TRABD: variants seen among roughly 807,000 people sequenced by gnomAD.
TRABD encodes traB domain-containing protein.
Under a neutral mutation model 39.6 loss-of-function variants are expected in TRABD, and 23 were observed. The observed-to-expected ratio is 0.58, with a 90% CI of 0.42 to 0.82. TRABD has a LOEUF of 0.82. Ranked by LOEUF, TRABD falls within the 40% of genes least tolerant of loss-of-function variation. The probability of loss-of-function intolerance (pLI) is 0.00; values close to 1 mark genes in which losing one functional copy is unlikely to be tolerated. For missense variants in TRABD, 487 were observed against 544.9 expected (o/e 0.89, Z 1.06); for synonymous variants, 243 against 232.1 (o/e 1.05, Z -0.43).
chr22:50,189,822 G>A (rs1040709417), intron 1 of TRABD, among the ~76,000 whole-genome samples: 3 of 151,880 alleles, frequency 2.0e-5, no homozygotes, highest in Admixed American at 2.0e-4. Flanking sequence ...CCGGACCCCA[G>A]GTGATGCTCT....
chr22:50,190,707 G>A (rs2063878794), intron 1 of TRABD: 1 of 152,620 alleles, frequency 6.6e-6, no homozygotes, highest in African/African-American at 2.4e-5. Context: ...TCTGGCTTGT[G>A]TGTGTAGCTA....
At chr22:50,197,191 G>GCGGGGGGGGGGGGC in intron 5 of TRABD, 50 bp from the exon 6 acceptor site, 1 of 1,553,438 alleles carries the variant, frequency 6.4e-7, no homozygotes, top group African/African-American at 1.4e-5. Context: ...TTCCCCCAGC[G>GCGGGGGGGGGGGGC]CACCCCCGCA....
chr22:50,197,419 C>A (rs2272844), intron 6 of TRABD, 30 bp from the exon 7 acceptor site: 1 of 1,612,436 alleles, frequency 6.2e-7, no homozygotes, highest in Non-Finnish European at 8.5e-7. Context: ...GGGGTTCCCA[C>A]TGCTCCCCAA....
intron 1 of TRABD, among the ~76,000 whole-genome samples, chr22:50,188,350 C>A (rs1280839869): frequency 6.6e-6 from 1 of 152,216 alleles, no homozygotes; most frequent in Admixed American, 6.5e-5. Flanking sequence ...TCAGACAATT[C>A]TCCTACCTCA....
intron 1 of TRABD, among the ~76,000 whole-genome samples, chr22:50,188,624 C>G (rs928113149): frequency 1.3e-5 from 2 of 152,196 alleles, no homozygotes; most frequent in Admixed American, 1.3e-4. Context: ...CACTCATGAC[C>G]TCATCCGAAC....
chr22:50,188,668 C>A (rs1282757237), intron 1 of TRABD, among the ~76,000 whole-genome samples: 1 of 152,216 alleles, frequency 6.6e-6, no homozygotes, highest in Non-Finnish European at 1.5e-5. Context: ...CCTTCTAATA[C>A]CTTCATAGTG....
Position 50,198,226 on chromosome 22 carries a change from C to T in TRABD, c.956+40C>T, listed in dbSNP as rs1457749038. The T allele has an allele frequency of 6.4e-7, 1 of 1,568,024 alleles. No individual in the cohort carries two copies. Among genetic ancestry groups the T allele is most frequent in the African/African-American group, 1.4e-5 (1 of 73,702 alleles). On this transcript the variant is annotated intron_variant, in intron 9 of 9. Coordinates refer to ENST00000380909, the MANE Select transcript of TRABD (RefSeq NM_001320485.2). This position sits in a 1 kb window ranked among gnomAD's most constrained non-coding sequence, Gnocchi z 7.9. Reference sequence around the variant, plus strand: ...CTCCCTGCAAGCCCCACCCCACAAGCCCCCAGGTGGAGGCTGAGCGCCCTG... The same window carrying T: ...CTCCCTGCAAGCCCCACCCCACAAGTCCCCAGGTGGAGGCTGAGCGCCCTG...
rs78898041 is a variant in TRABD, at chr22:50,192,759, G to A, written c.-34-268G>A. On this transcript the variant is annotated intron_variant, in intron 1 of 9. Transcript: ENST00000380909. Reference sequence around the variant, plus strand: ...TCTGGCCCTGTTCTGAGTGAGGCCTGTGCACCAGCAACCCGCCCTGGGCCC... The same window carrying A: ...TCTGGCCCTGTTCTGAGTGAGGCCTATGCACCAGCAACCCGCCCTGGGCCC... Among the ~76,000 whole-genome samples, 6 of 11,000 alleles carry A rather than the reference G, an allele frequency of 5.5e-4. No individual in the cohort carries two copies. The African/African-American group carries it at 5.7e-3, about 10-fold the overall frequency. 7.2% of individuals were successfully genotyped at this position (11,000 alleles called of 152,430 possible). A position where few individuals can be genotyped will look rare whatever the true frequency, so the allele number is the denominator to read the frequency against.
chr22:50,188,300 G>T (rs1231741222), intron 1 of TRABD, among the ~76,000 whole-genome samples: 1 of 152,068 alleles, frequency 6.6e-6, no homozygotes, highest in Non-Finnish European at 1.5e-5. Flanking sequence ...AAAAAATGAG[G>T]TCTCGCTAAG....
intron 1 of TRABD, among the ~76,000 whole-genome samples, chr22:50,187,250 G>C (rs1479361923): frequency 6.6e-6 from 1 of 152,370 alleles, no homozygotes; most frequent in Admixed American, 6.5e-5. Flanking sequence ...GAGGTTGGGG[G>C]CTGCCAGGTG....
chr22:50,196,963 G>T lies in TRABD; in HGVS notation c.421-278G>T, dbSNP rs897493425. 9 of 421,680 alleles carry T rather than the reference G, an allele frequency of 2.1e-5. No homozygotes were observed. The Admixed American group carries it at 2.8e-4, about 13-fold the overall frequency. 26.1% of individuals were successfully genotyped at this position (421,680 alleles called of 1,614,324 possible). ...TCCGCCTGCCTCAGCCTCCCAAAGT[G>T]CTGGGATGACAGGCGTGCGCCACTG... On this transcript the variant is annotated intron_variant, in intron 5 of 9. Transcript: ENST00000380909.
chr22:50,193,137 G>A (rs1326637546), intron 2 of TRABD, 44 bp downstream of exon 2: 5 of 1,516,798 alleles, frequency 3.3e-6, no homozygotes, highest in Non-Finnish European at 4.4e-6. Context: ...AGGGGCGGGG[G>A]GCTTCCCCGC....
chr22:50,195,971 G>A (rs922742830), intron 5 of TRABD, among the ~76,000 whole-genome samples: 3 of 152,156 alleles, frequency 2.0e-5, no homozygotes, highest in Non-Finnish European at 4.4e-5. Flanking sequence ...GGCAGTCCCC[G>A]GTCCAGCCAG....
chr22:50,197,764 G>A, intron 7 of TRABD, 59 bp from the exon 8 acceptor site: 1 of 1,284,796 alleles, frequency 7.8e-7, no homozygotes, highest in Non-Finnish European at 1.1e-6. Context: ...CACAGTGCCA[G>A]CCCCACCCCC....
Position 50,194,383 on chromosome 22 carries a change from G to T in TRABD, c.156G>T (p.Lys52Asn). Residue 52 changes from lysine (K) to asparagine (N), a missense_variant, in exon 4 of 10, where the codon AAG (lysine) becomes AAT (asparagine). Around this residue, in one of 3 missense-constraint regions of TRABD, gnomAD observed 358 missense variants for 414.7 expected, o/e 0.86. Transcript: ENST00000380909. ...ACCTGCTCCTGGAGATGAAGCTGAA[G>T]CGGCGGCGTCAGCGGCCCAACCTGC... Reference protein sequence around the residue: ...AFNLLLEMKLKRRRQRPNLPR... With the variant: ...AFNLLLEMKLNRRRQRPNLPR... The T allele has an allele frequency of 3.7e-6, 6 of 1,612,842 alleles. No individual in the cohort carries two copies. Among genetic ancestry groups the T allele is most frequent in the Non-Finnish European group, 5.1e-6 (6 of 1,179,814 alleles).
intron 4 of TRABD, 143 bp downstream of exon 4, chr22:50,194,649 G>A: frequency 4.4e-6 from 6 of 1,368,386 alleles, no homozygotes; most frequent in Non-Finnish European, 5.9e-6. Flanking sequence ...CCCTGGGAGT[G>A]GCAAGGTGGG....
Position 50,198,484 on chromosome 22 carries a change from T to C in TRABD, c.1096T>C (p.Cys366Arg). ...CCTGTCGCTGCCCGCCGCGCAGTAC[T>C]GCCTGCAGAGGGTGACCGAGGCCCG... ...LVLSLPAAQY[C>R]LQRVTEARHK Residue 366 changes from cysteine (C) to arginine (R), a missense_variant, in exon 10 of 10, where the codon TGC becomes CGC. Physicochemically the swap from Cys to Arg is radical, Grantham distance 180. Around this residue, in one of 3 missense-constraint regions of TRABD, gnomAD observed 123 missense variants for 108.3 expected, o/e 1.14. Transcript: ENST00000380909. This position sits in a 1 kb window ranked among gnomAD's most constrained non-coding sequence, Gnocchi z 7.9. The C allele has an allele frequency of 3.1e-6, 5 of 1,589,662 alleles. No individual in the cohort carries two copies. Among genetic ancestry groups the C allele is most frequent in the Non-Finnish European group, 4.3e-6 (5 of 1,173,620 alleles).
At chr22:50,191,710 T>G (rs1255623816) in intron 1 of TRABD, 3 of 152,208 alleles carry the variant, frequency 2.0e-5, no homozygotes, top group Non-Finnish European at 4.4e-5. Flanking sequence ...CTTGCACGAC[T>G]AGACAGCTCA....
Position 50,199,331 on chromosome 22 carries a change from A to T in TRABD, c.*812A>T. Reference sequence around the variant, plus strand: ...CTCTGGGCAGACAATGTGTGCACCTATGTGGAAGGCCAAGGACATGGGCTG... The same window carrying T: ...CTCTGGGCAGACAATGTGTGCACCTTTGTGGAAGGCCAAGGACATGGGCTG... On this transcript the variant is annotated 3_prime_UTR_variant, in exon 10 of 10. Coordinates refer to ENST00000380909, the MANE Select transcript of TRABD (RefSeq NM_001320485.2). The T allele has an allele frequency of 3.7e-6, 2 of 537,152 alleles. No homozygotes were observed. Among genetic ancestry groups the T allele is most frequent in the Non-Finnish European group, 6.7e-6 (2 of 298,032 alleles). 33.3% of individuals were successfully genotyped at this position (537,152 alleles called of 1,614,324 possible). A position where few individuals can be genotyped will look rare whatever the true frequency, so the allele number is the denominator to read the frequency against.
Sources: allele counts gnomAD v4.1 joint callset (sites outside exome capture counted in the v4.1 genomes callset), GRCh38; gene constraint gnomAD v4.1.1; regional missense constraint gnomAD v4.1.1; non-coding constraint Gnocchi (gnomAD v3.1); transcripts MANE v1.5; gene names NCBI Gene and HGNC (gene_info 2026-07-23, HGNC 2026-07-21).